TAFA2: variants seen among roughly 807,000 people sequenced by gnomAD.
TAFA2 encodes chemokine-like protein TAFA-2.
Under a neutral mutation model 18.8 loss-of-function variants are expected in TAFA2, and 7 were observed. The ratio of observed to expected loss-of-function variants is 0.37; its 90% CI spans 0.21 to 0.70. The LOEUF (loss-of-function observed/expected upper bound fraction) is 0.70. TAFA2 is among the 30% of genes least tolerant of loss of function. The probability of loss-of-function intolerance (pLI) is 0.53; values close to 1 mark genes in which losing one functional copy is unlikely to be tolerated. For missense variants in TAFA2, 122 were observed against 158.1 expected (o/e 0.77, Z 1.23); for synonymous variants, 60 against 54.2 (o/e 1.11, Z -0.47).
intron 2 of TAFA2, among the ~76,000 whole-genome samples, chr12:61,819,001 C>T (rs545010460): frequency 6.6e-6 from 1 of 152,134 alleles, no homozygotes; most frequent in South Asian, 2.1e-4. Flanking sequence ...CCTCTAGACC[C>T]GATCATGACT....
At chr12:61,817,250 C>A (rs1183948124) in intron 2 of TAFA2, among the ~76,000 whole-genome samples, 2 of 152,084 alleles carry the variant, frequency 1.3e-5, no homozygotes, top group African/African-American at 2.4e-5. Flanking sequence ...AACTTAACTT[C>A]TATGTATTTA....
chr12:62,167,328 T>G (rs1383785574), intron 1 of TAFA2, among the ~76,000 whole-genome samples: 3 of 152,198 alleles, frequency 2.0e-5, no homozygotes, highest in African/African-American at 4.8e-5. Flanking sequence ...CTTTAAAAAC[T>G]AAAAGCAACA....
At chr12:61,817,118 C>T (rs1872118810) in intron 2 of TAFA2, among the ~76,000 whole-genome samples, 1 of 146,304 alleles carries the variant, frequency 6.8e-6, no homozygotes, top group Admixed American at 6.7e-5. Flanking sequence ...ATGACATGTA[C>T]TGCTATCTTA....
At chr12:62,115,080 C>T (rs938575359) in intron 1 of TAFA2, among the ~76,000 whole-genome samples, 4 of 152,034 alleles carry the variant, frequency 2.6e-5, no homozygotes, top group African/African-American at 9.7e-5. Flanking sequence ...AAACATTGAC[C>T]TCCTTTGGGT....
In TAFA2 at chr12:62,256,950, A is replaced by T. The variant is rs1346995372; in HGVS notation, c.-130+1813T>A. 2.6e-5 allele frequency among the ~76,000 whole-genome samples: 4 copies of T among 152,134 alleles called. No homozygotes were observed. In the East Asian group the frequency reaches 7.7e-4, roughly 29 times the overall value. On this transcript the variant is annotated intron_variant, in intron 1 of 5. Transcript: ENST00000551619. ...AGATAAAAGAATGAAAGGTTTAGAGAGGTGAGTAAGAATGAGGGGGTGGTA... is the reference window on the plus strand; with the variant it reads ...AGATAAAAGAATGAAAGGTTTAGAGTGGTGAGTAAGAATGAGGGGGTGGTA...
chr12:62,240,592 G>A (rs1340797109), intron 1 of TAFA2, among the ~76,000 whole-genome samples: 1 of 152,008 alleles, frequency 6.6e-6, no homozygotes, highest in Non-Finnish European at 1.5e-5. Flanking sequence ...TAAAGCCCTT[G>A]GGAATCATGA....
intron 1 of TAFA2, among the ~76,000 whole-genome samples, chr12:61,998,569 T>C (rs1880278153): frequency 6.6e-6 from 1 of 152,216 alleles, no homozygotes; most frequent in Non-Finnish European, 1.5e-5. Flanking sequence ...GTGTATACTA[T>C]TATTTTTCCC....
chr12:61,728,122 G>T (rs1378445485), intron 4 of TAFA2, among the ~76,000 whole-genome samples: 2 of 141,728 alleles, frequency 1.4e-5, no homozygotes, highest in Admixed American at 7.1e-5. Context: ...TAAATTTATT[G>T]AGACTTGTTT....
chr12:61,740,118 C>G (rs900610535), intron 4 of TAFA2, among the ~76,000 whole-genome samples: 3 of 152,032 alleles, frequency 2.0e-5, no homozygotes, highest in African/African-American at 7.2e-5. Flanking sequence ...GTCTCTCTAC[C>G]ATCCTTCTCC....
chr12:61,966,567 T>C (rs552240587), intron 1 of TAFA2, among the ~76,000 whole-genome samples: 3 of 152,060 alleles, frequency 2.0e-5, no homozygotes, highest in African/African-American at 4.8e-5. Flanking sequence ...TTTTCTGTTA[T>C]TGTTGTTGTT....
At position 61,938,857 on chromosome 12, in the gene TAFA2, T is replaced by C. The variant is rs1007744016; in HGVS notation, c.-1-71431A>G. The stretch of plus-strand genomic sequence containing the variant: ...CACTTATAAGTGGGAGCTCAGCTTT[T>C]GGTATGCAAAGGCATACAGAGTGAC... On this transcript the variant is annotated intron_variant, in intron 1 of 4. Transcript: ENST00000416284. Among the ~76,000 whole-genome samples the C allele has an allele frequency of 2.0e-5, 3 of 151,974 alleles. 1 individual carries two copies. The highest frequency in any genetic ancestry group is 6.5e-5 in the Admixed American group (1 of 15,270).
chr12:62,088,881 TC>T (rs1212373192), intron 1 of TAFA2, among the ~76,000 whole-genome samples: 27 of 55,734 alleles, frequency 4.8e-4, no homozygotes, highest in Non-Finnish European at 9.1e-4. Context: ...TGTTTTTCTT[TC>T]TCTCTCTCTC....
chr12:61,963,140 G>T (rs1383472635), intron 1 of TAFA2, among the ~76,000 whole-genome samples: 1 of 152,064 alleles, frequency 6.6e-6, no homozygotes. Context: ...GGTCATTTGG[G>T]TTGGTTCCAT....
chr12:61,811,360 C>G (rs1389945697), intron 2 of TAFA2, among the ~76,000 whole-genome samples: 1 of 151,284 alleles, frequency 6.6e-6, no homozygotes, highest in Non-Finnish European at 1.5e-5. Flanking sequence ...ATTTAAAATA[C>G]TCCATATATT....
chr12:62,026,040 C>A (rs1881301864), intron 1 of TAFA2, among the ~76,000 whole-genome samples: 1 of 151,864 alleles, frequency 6.6e-6, no homozygotes, highest in Non-Finnish European at 1.5e-5. Context: ...CAATGAGGAT[C>A]GTTAATAATT....
intron 4 of TAFA2, among the ~76,000 whole-genome samples, chr12:61,718,322 C>A (rs1203947167): frequency 6.6e-6 from 1 of 152,148 alleles, no homozygotes; most frequent in Non-Finnish European, 1.5e-5. Flanking sequence ...GCAGATCAGC[C>A]GTTTCTCTCT....
intron 1 of TAFA2, among the ~76,000 whole-genome samples, chr12:62,116,487 C>T (rs951863553): frequency 4.0e-5 from 6 of 150,994 alleles, no homozygotes; most frequent in African/African-American, 1.5e-4. Context: ...GCGTATGTGG[C>T]AGCAGGGATT....
At position 61,978,155 on chromosome 12, in the gene TAFA2, C is replaced by T. The variant is rs151318834; in HGVS notation, c.-1-110729G>A. Among the ~76,000 whole-genome samples, 819 of 151,986 alleles carry T rather than the reference C, an allele frequency of 5.4e-3. 10 individuals are homozygous for T. The highest frequency in any genetic ancestry group is 0.019 in the African/African-American group (770 of 41,482). On this transcript the variant is annotated intron_variant, in intron 1 of 4. Coordinates refer to ENST00000416284, the MANE Select transcript of TAFA2 (RefSeq NM_178539.5). ...TTTTTCCATGTAAAATAATATTACC[C>T]CTCTCAGTAGGAGACTATGTGGATT...
chr12:62,189,194 A>C (rs1427866028), intron 1 of TAFA2, among the ~76,000 whole-genome samples: 1 of 152,100 alleles, frequency 6.6e-6, no homozygotes, highest in Non-Finnish European at 1.5e-5. Context: ...TTTCACATAA[A>C]AAAAAAAATG....
Sources: allele counts gnomAD v4.1 joint callset (sites outside exome capture counted in the v4.1 genomes callset), GRCh38; gene constraint gnomAD v4.1.1; transcripts MANE v1.5; gene names NCBI Gene and HGNC (gene_info 2026-07-23, HGNC 2026-07-21).